Variants in PLD5 observed in about 807,000 individuals in gnomAD.
PLD5 encodes the protein inactive phospholipase D5.
A neutral mutation model predicts 61.1 loss-of-function variants in PLD5; 36 were observed. The observed-to-expected ratio is 0.59, with a 90% CI of 0.45 to 0.78. The LOEUF (loss-of-function observed/expected upper bound fraction) is 0.78, where lower values mean the gene tolerates loss of function less well. Ranked by LOEUF, PLD5 falls within the 30% of genes least tolerant of loss-of-function variation. PLD5 has a pLI of 0.00. For synonymous variants in PLD5, 243 were observed against 242.8 expected, an observed-to-expected ratio of 1.00 and a Z score of -0.01; for missense variants, 515 against 644.4, an observed-to-expected ratio of 0.80 and a Z score of 2.17.
chr1:242,527,133 T>TTTTTTTTTTTTTTTTG (rs1380736502), upstream of PLD5, among the ~76,000 whole-genome samples: 1 of 118,686 alleles, frequency 8.4e-6, no homozygotes, highest in Non-Finnish European at 1.7e-5. Flanking sequence ...TTTTTTTTTT[T>TTTTTTTTTTTTTTTTG]TTTTTTTTTT....
chr1:242,339,333 A>C (rs533213455), intron 2 of PLD5, among the ~76,000 whole-genome samples: 1 of 152,244 alleles, frequency 6.6e-6, no homozygotes, highest in Non-Finnish European at 1.5e-5. Flanking sequence ...AAACAAACAA[A>C]CAGAAATGCT....
At chr1:242,300,595 T>C (rs1241231581) in intron 2 of PLD5, among the ~76,000 whole-genome samples, 1 of 151,722 alleles carries the variant, frequency 6.6e-6, no homozygotes, top group African/African-American at 2.4e-5. Flanking sequence ...AAGGGGTTGG[T>C]GAAGAGTTAA....
intron 5 of PLD5, among the ~76,000 whole-genome samples, chr1:242,173,961 G>T (rs546424274): frequency 6.6e-5 from 10 of 152,266 alleles, no homozygotes; most frequent in South Asian, 2.1e-4. Context: ...GAAAACCTAG[G>T]TAATACCATT....
chr1:242,308,133 TTTTAA>T (rs1404215142), intron 2 of PLD5, among the ~76,000 whole-genome samples: 3 of 152,168 alleles, frequency 2.0e-5, no homozygotes, highest in African/African-American at 7.2e-5. Flanking sequence ...ATAATTAACT[TTTTAA>T]TTTAAGTAGC....
At chr1:242,427,272 T>C (rs1665481986) in intron 1 of PLD5, among the ~76,000 whole-genome samples, 1 of 152,240 alleles carries the variant, frequency 6.6e-6, no homozygotes, top group Non-Finnish European at 1.5e-5. Context: ...CTGTAGAAAG[T>C]TTCTAGAGTA....
chr1:242,478,301 T>C (rs1667662136), intron 1 of PLD5, among the ~76,000 whole-genome samples: 1 of 152,138 alleles, frequency 6.6e-6, no homozygotes, highest in South Asian at 2.1e-4. Context: ...GGAAGCTCAC[T>C]GTGTTCTGCT....
chr1:242,397,346 G>GTTT (rs112932499), intron 1 of PLD5, among the ~76,000 whole-genome samples: 144 of 145,338 alleles, frequency 9.9e-4, no homozygotes, highest in Non-Finnish European at 1.5e-3. Context: ...TTTTTTCTTT[G>GTTT]TTTTTTTTTT....
Position 242,110,076 on chromosome 1 carries a change from A to ATAT in PLD5, c.1071-2240_1071-2238dup, listed in dbSNP as rs57080161. 4.6e-3 allele frequency among the ~76,000 whole-genome samples: 654 copies of ATAT among 143,198 alleles called. 6 individuals carry two copies. The highest frequency in any genetic ancestry group is 0.017 in the South Asian group (78 of 4,566). The allele number at this position is 143,198 out of a possible 152,430, so 93.9% of individuals were successfully genotyped here. A position where few individuals can be genotyped will look rare whatever the true frequency, so the allele number is the denominator to read the frequency against. On this transcript the variant is annotated intron_variant, in intron 7 of 9. Coordinates refer to ENST00000536534, the MANE Select transcript of PLD5 (RefSeq NM_001372062.1). Reference sequence around the variant, plus strand: ...TATAGATATTATATTACTATATTATATATTATTATTATTATATTATTATAT... The same window carrying ATAT: ...TATAGATATTATATTACTATATTATATATTATTATTATTATTATATTATTATAT...
chr1:242,305,840 T>C (rs1210686853), intron 2 of PLD5, among the ~76,000 whole-genome samples: 3 of 152,082 alleles, frequency 2.0e-5, no homozygotes, highest in African/African-American at 4.8e-5. Flanking sequence ...TCCATTTCTA[T>C]ATAGTATTTT....
chr1:242,182,497 G>A (rs1429699757), intron 5 of PLD5, among the ~76,000 whole-genome samples: 2 of 152,212 alleles, frequency 1.3e-5, no homozygotes, highest in Non-Finnish European at 2.9e-5. Flanking sequence ...TTCACTTTGT[G>A]ATGGTCTTTG....
At chr1:242,525,596 T>C (rs997928336), upstream of PLD5, among the ~76,000 whole-genome samples, 1 of 152,194 alleles carries the variant, frequency 6.6e-6, no homozygotes, top group Non-Finnish European at 1.5e-5. Context: ...TTTATCTAAA[T>C]GCTAAACAGC....
intron 5 of PLD5, among the ~76,000 whole-genome samples, chr1:242,188,044 A>C (rs955368083): frequency 1.3e-5 from 2 of 151,766 alleles, no homozygotes; most frequent in Non-Finnish European, 2.9e-5. Context: ...AGGGACTAGA[A>C]GCAGACAGAC....
chr1:242,377,061 G>T (rs1558509161), intron 1 of PLD5: 1 of 1,611,786 alleles, frequency 6.2e-7, no homozygotes, highest in Non-Finnish European at 8.5e-7. Context: ...GCCATCAGGG[G>T]AGTCATCCTC....
chr1:242,399,248 C>T (rs115995514), intron 1 of PLD5, among the ~76,000 whole-genome samples: 2,546 of 152,292 alleles, frequency 0.017, 33 homozygotes, highest in Non-Finnish European at 0.029. Context: ...TTGGGAAAAG[C>T]TGTAATAAGT....
chr1:242,230,554 C>T (rs1388422064), intron 4 of PLD5, among the ~76,000 whole-genome samples: 1 of 152,014 alleles, frequency 6.6e-6, no homozygotes, highest in African/African-American at 2.4e-5. Flanking sequence ...CAGTACAGTT[C>T]AATCAATTTA....
chr1:242,328,300 CTA>C (rs1658929579), intron 2 of PLD5, among the ~76,000 whole-genome samples: 1 of 3,760 alleles, frequency 2.7e-4, no homozygotes, highest in African/African-American at 3.8e-4. Context: ...TATGTATGTT[CTA>C]CATATATATG....
intron 1 of PLD5, among the ~76,000 whole-genome samples, chr1:242,384,323 A>G (rs751293718): frequency 1.3e-5 from 2 of 152,204 alleles, no homozygotes; most frequent in Non-Finnish European, 2.9e-5. Context: ...GGCTACAGCC[A>G]CTTCCCCTCA....
At chr1:242,305,984 A>G (rs1158303197) in intron 2 of PLD5, among the ~76,000 whole-genome samples, 1 of 152,110 alleles carries the variant, frequency 6.6e-6, no homozygotes, top group Non-Finnish European at 1.5e-5. Flanking sequence ...TCTTGCAAGG[A>G]CCAAAGGACC....
intron 9 of PLD5, among the ~76,000 whole-genome samples, chr1:242,094,347 G>C (rs1400369115): frequency 6.6e-6 from 1 of 152,108 alleles, no homozygotes; most frequent in African/African-American, 2.4e-5. Flanking sequence ...CAAGTTTGCA[G>C]AGCTTGACTC....
Sources: allele counts gnomAD v4.1 joint callset (sites outside exome capture counted in the v4.1 genomes callset), GRCh38; gene constraint gnomAD v4.1.1; transcripts MANE v1.5; gene names NCBI Gene and HGNC (gene_info 2026-07-23, HGNC 2026-07-21).